PLCB1: variants seen among roughly 807,000 people sequenced by gnomAD.
PLCB1 encodes the protein 1-phosphatidylinositol 4,5-bisphosphate phosphodiesterase beta-1.
A neutral mutation model predicts 161.8 loss-of-function variants in PLCB1; 46 were observed. That is an observed-to-expected ratio of 0.28 (90% CI 0.22 to 0.36). The LOEUF (loss-of-function observed/expected upper bound fraction) is 0.36. PLCB1 is among the 10% of genes least tolerant of loss of function. The probability of loss-of-function intolerance (pLI) is 1.00; values close to 1 mark genes in which losing one functional copy is unlikely to be tolerated. For missense variants in PLCB1, 1,016 were observed against 1,472.5 expected, an observed-to-expected ratio of 0.69 and a Z score of 5.07; for synonymous variants, 517 against 503.7, an observed-to-expected ratio of 1.03 and a Z score of -0.35.
chr20:8,777,273 C>T (rs184048924), intron 27 of PLCB1, among the ~76,000 whole-genome samples: 6 of 152,136 alleles, frequency 3.9e-5, no homozygotes, highest in Middle Eastern at 3.4e-3. Flanking sequence ...GGGACCACTC[C>T]GGGGCTGTGC....
At chr20:8,467,043 G>A (rs1981853728) in intron 3 of PLCB1, among the ~76,000 whole-genome samples, 1 of 152,108 alleles carries the variant, frequency 6.6e-6, no homozygotes, top group Non-Finnish European at 1.5e-5. Context: ...TGATTCAAGC[G>A]ATTCTCATGA....
chr20:8,588,665 A>C (rs1490382176), intron 3 of PLCB1, among the ~76,000 whole-genome samples: 1 of 152,188 alleles, frequency 6.6e-6, no homozygotes, highest in African/African-American at 2.4e-5. Flanking sequence ...AGCTATCTGC[A>C]GAACAAGGAG....
intron 2 of PLCB1, among the ~76,000 whole-genome samples, chr20:8,174,239 A>T (rs866222168): frequency 1.3e-5 from 2 of 152,228 alleles, no homozygotes. Flanking sequence ...TTCAAAGCAG[A>T]CTAAGAGAAA....
intron 3 of PLCB1, among the ~76,000 whole-genome samples, chr20:8,458,899 C>T (rs1415850767): frequency 2.6e-5 from 4 of 152,154 alleles, no homozygotes; most frequent in African/African-American, 9.7e-5. Context: ...ACTCTAATAA[C>T]ATGGTGTCTA....
chr20:8,754,381 A>G (rs1034408820), intron 23 of PLCB1, among the ~76,000 whole-genome samples: 2 of 126,974 alleles, frequency 1.6e-5, no homozygotes, highest in Admixed American at 1.6e-4. Context: ...TCAAGACACT[A>G]ATTTTAGTTG....
chr20:8,626,745 T>G (rs890512298), intron 3 of PLCB1, among the ~76,000 whole-genome samples: 6 of 152,180 alleles, frequency 3.9e-5, no homozygotes, highest in Non-Finnish European at 7.4e-5. Flanking sequence ...CTCTTCTGAG[T>G]GTACCAAAAA....
At chr20:8,377,145 C>A (rs1276406790) in intron 3 of PLCB1, among the ~76,000 whole-genome samples, 2 of 152,076 alleles carry the variant, frequency 1.3e-5, no homozygotes, top group Admixed American at 1.3e-4. Context: ...ATAAGTCCCA[C>A]TGAGAAGCAT....
intron 31 of PLCB1, among the ~76,000 whole-genome samples, chr20:8,854,309 G>A (rs546073419): frequency 9.2e-5 from 14 of 152,218 alleles, no homozygotes; most frequent in Admixed American, 9.2e-4. Flanking sequence ...TTAGGAAGCC[G>A]AGAATCTTGC....
chr20:8,664,466 T>A (rs1013723558), intron 9 of PLCB1, among the ~76,000 whole-genome samples: 36 of 152,236 alleles, frequency 2.4e-4, no homozygotes, highest in African/African-American at 7.9e-4. Context: ...CCCTATTGCA[T>A]TTTCAATATA....
intron 2 of PLCB1, among the ~76,000 whole-genome samples, chr20:8,170,490 A>G (rs1231110884): frequency 6.6e-6 from 1 of 152,124 alleles, no homozygotes; most frequent in Non-Finnish European, 1.5e-5. Flanking sequence ...AAATTTTTAG[A>G]TTTGCAAGGT....
rs3222517 is a variant in PLCB1, at chr20:8,881,328, CGTGTGTGT to C, written c.3424-270_3424-263del. 2.1e-4 allele frequency among the ~76,000 whole-genome samples: 27 copies of C among 128,976 alleles called. 1 individual carries two copies. Among genetic ancestry groups the C allele is most frequent in the East Asian group, 1.6e-3 (8 of 4,858 alleles). The allele number at this position is 128,976 out of a possible 152,430, so 84.6% of individuals were successfully genotyped here. On this transcript the variant is annotated intron_variant, in intron 31 of 31. Coordinates refer to ENST00000338037, the MANE Select transcript of PLCB1 (RefSeq NM_015192.4). ...ACTCTGACACCTTTTTCAAAAGACC[CGTGTGTGT>C]GTGTGTGTGTGTGTGTGTGTGTGCA...
At chr20:8,834,945 C>T (rs1986220238) in intron 31 of PLCB1, among the ~76,000 whole-genome samples, 1 of 151,862 alleles carries the variant, frequency 6.6e-6, no homozygotes, top group African/African-American at 2.4e-5. Context: ...TCTATTCAGA[C>T]CTTCAACTGG....
In PLCB1 at chr20:8,406,015, T is replaced by C. The variant is rs115364790; in HGVS notation, c.246+34565T>C. The stretch of plus-strand genomic sequence containing the variant: ...TACTAATTAGGGCTTTTTTTCTTCC[T>C]TTTTTTTTTTGATAGCTGCTTGTTA... On this transcript the variant is annotated intron_variant, in intron 3 of 31. Transcript: ENST00000338037. Among the ~76,000 whole-genome samples the C allele has an allele frequency of 6.5e-3, 833 of 128,462 alleles. 7 individuals carry two copies. The highest frequency in any genetic ancestry group is 0.03 in the African/African-American group (783 of 25,758). 84.3% of individuals were successfully genotyped at this position (128,462 alleles called of 152,430 possible).
At chr20:8,441,743 G>C (rs532386110) in intron 3 of PLCB1, among the ~76,000 whole-genome samples, 38 of 152,138 alleles carry the variant, frequency 2.5e-4, no homozygotes, top group Non-Finnish European at 4.7e-4. Context: ...GATAGAGGAG[G>C]GGGAGAGGGC....
Position 8,766,450 on chromosome 20 carries a change from A to G in PLCB1, c.2930+1092A>G, listed in dbSNP as rs139454811. Among the ~76,000 whole-genome samples the G allele has an allele frequency of 7.7e-3, 1,166 of 152,270 alleles. 14 individuals carry two copies. The highest frequency in any genetic ancestry group is 0.027 in the African/African-American group (1,119 of 41,536). ...CAGGCTGAGGAAACAGCAAGTGCAA[A>G]GGCCCTCAGGCAGGAAAAAAATGTG... On this transcript the variant is annotated intron_variant, in intron 26 of 31. Coordinates refer to ENST00000338037, the MANE Select transcript of PLCB1 (RefSeq NM_015192.4).
chr20:8,243,914 T>A (rs1010288207), intron 2 of PLCB1, among the ~76,000 whole-genome samples: 3 of 151,978 alleles, frequency 2.0e-5, no homozygotes, highest in African/African-American at 7.2e-5. Context: ...GACCTCAAAA[T>A]TAAATGTGGT....
chr20:8,444,127 TGTG>T (rs2122622688), intron 3 of PLCB1, among the ~76,000 whole-genome samples: 1 of 152,216 alleles, frequency 6.6e-6, no homozygotes, highest in South Asian at 2.1e-4. Context: ...GCCATGTTGG[TGTG>T]CTGCACCCAT....
intron 3 of PLCB1, among the ~76,000 whole-genome samples, chr20:8,510,191 T>C (rs1254229879): frequency 6.6e-6 from 1 of 152,192 alleles, no homozygotes. Flanking sequence ...ACTGTACTGA[T>C]AATTTTAGTG....
chr20:8,151,394 G>A (rs914060198), intron 2 of PLCB1, among the ~76,000 whole-genome samples: 4 of 152,090 alleles, frequency 2.6e-5, no homozygotes, highest in Non-Finnish European at 2.9e-5. Context: ...TGGTCCCAGG[G>A]CCACTCCTGA....
Sources: gnomAD v4.1 joint callset for allele counts (sites outside exome capture counted in the v4.1 genomes callset) on GRCh38, gnomAD v4.1.1 for gene constraint, MANE v1.5 for transcripts, NCBI Gene and HGNC (gene_info 2026-07-23, HGNC 2026-07-21) for gene names.